The following TYW1B variants were observed in gnomAD, a reference collection of about 807,000 sequenced individuals.
TYW1B encodes S-adenosyl-L-methionine-dependent tRNA 4-demethylwyosine synthase TYW1B.
Under a neutral mutation model 86.9 loss-of-function variants are expected in TYW1B, and 73 were observed. The ratio of observed to expected loss-of-function variants is 0.84; its 90% CI spans 0.70 to 1.02. The LOEUF (loss-of-function observed/expected upper bound fraction) is 1.02. Ranked by LOEUF, TYW1B falls within the 50% of genes least tolerant of loss-of-function variation. The pLI, the probability that TYW1B is intolerant of heterozygous loss-of-function variation, is 0.00. For missense variants in TYW1B, 637 were observed against 827.4 expected (o/e 0.77, Z 2.82); for synonymous variants, 248 against 292.8 (o/e 0.85, Z 1.56).
At chr7:72,779,047 A>G (rs1554471168) in intron 6 of TYW1B, among the ~76,000 whole-genome samples, 2 of 151,854 alleles carry the variant, frequency 1.3e-5, no homozygotes, top group Admixed American at 1.3e-4. Flanking sequence ...GTTACACTTT[A>G]GGGGAGATAC....
At chr7:72,749,701 T>C (rs190256662) in intron 7 of TYW1B, among the ~76,000 whole-genome samples, 34 of 152,070 alleles carry the variant, frequency 2.2e-4, no homozygotes, top group African/African-American at 7.7e-4. Flanking sequence ...CATTGATTTC[T>C]ATTCTTCACT....
chr7:72,776,189 C>T (rs1410631435), intron 7 of TYW1B, among the ~76,000 whole-genome samples: 8 of 152,080 alleles, frequency 5.3e-5, no homozygotes, highest in Non-Finnish European at 1.0e-4. Flanking sequence ...ATAAAAATTA[C>T]ATACAGGTTA....
At chr7:72,768,978 C>G (rs533350144) in intron 7 of TYW1B, 1 of 324,606 alleles carries the variant, frequency 3.1e-6, no homozygotes, top group South Asian at 3.8e-5. Flanking sequence ...TATCTTTCTT[C>G]TCTACCTTAC....
At position 72,731,681 on chromosome 7, in the gene TYW1B, C is replaced by T. The variant is rs1299718260; in HGVS notation, c.1083-2750G>A. 2.6e-5 allele frequency among the ~76,000 whole-genome samples: 4 copies of T among 152,276 alleles called. No individual in the cohort carries two copies. The East Asian group carries it at 7.7e-4, about 29-fold the overall frequency. Reference sequence around the variant, plus strand: ...AAAAGCAGCTGGGTGTGGTGGCTCACACCTGTAATCCCAGCACTTTGGGAG... The same window carrying T: ...AAAAGCAGCTGGGTGTGGTGGCTCATACCTGTAATCCCAGCACTTTGGGAG... On this transcript the variant is annotated intron_variant, in intron 8 of 13. Transcript: ENST00000620995.
chr7:72,722,916 T>C, intron 9 of TYW1B: 1 of 712,250 alleles, frequency 1.4e-6, no homozygotes, highest in Non-Finnish European at 2.6e-6. Flanking sequence ...CCACCTGCAG[T>C]GGAGTCTTCC....
At chr7:72,701,360 C>T (rs2960965) in intron 10 of TYW1B, among the ~76,000 whole-genome samples, 118,362 of 151,794 alleles carry the variant, frequency 0.78, 46,754 homozygotes, top group Middle Eastern at 0.86. Flanking sequence ...AACTCCTGAG[C>T]TCAAGCAACC....
intron 11 of TYW1B, among the ~76,000 whole-genome samples, chr7:72,650,333 T>C (rs1813029752): frequency 6.6e-6 from 1 of 151,882 alleles, no homozygotes. Context: ...GCCCATAAAG[T>C]TTCCTCCCTG....
intron 10 of TYW1B, among the ~76,000 whole-genome samples, chr7:72,696,038 T>C (rs1814311504): frequency 6.7e-6 from 1 of 149,576 alleles, no homozygotes; most frequent in African/African-American, 2.5e-5. Flanking sequence ...AACCTCTGCC[T>C]CCAGGCTCAA....
intron 8 of TYW1B, among the ~76,000 whole-genome samples, chr7:72,733,301 C>G (rs1337172953): frequency 1.3e-5 from 2 of 152,004 alleles, no homozygotes; most frequent in African/African-American, 4.8e-5. Flanking sequence ...GAAAACAAAA[C>G]AGGACAAAAA....
At position 72,632,367 on chromosome 7, in the gene TYW1B, G is replaced by GTATATATAATATATATATA. The variant is rs1195035421; in HGVS notation, c.1507-3371_1507-3370insTATATATATATTATATATA. On this transcript the variant is annotated intron_variant, in intron 11 of 13. Coordinates refer to ENST00000620995, the MANE Select transcript of TYW1B (RefSeq NM_001145440.3). ...TATATTATATATATTATATATATAC[G>GTATATATAATATATATATA]CATATATATTATATATATACGTATA... 4.8e-4 allele frequency among the ~76,000 whole-genome samples: 29 copies of GTATATATAATATATATATA among 60,472 alleles called. 2 individuals carry two copies. In the East Asian group the frequency reaches 0.012, roughly 26 times the overall value. 39.7% of individuals were successfully genotyped at this position (60,472 alleles called of 152,430 possible).
At chr7:72,737,500 T>C (rs1787217360) in intron 8 of TYW1B, among the ~76,000 whole-genome samples, 1 of 152,186 alleles carries the variant, frequency 6.6e-6, no homozygotes, top group South Asian at 2.1e-4. Flanking sequence ...TAGATCCTGT[T>C]ATTTCTTTTG....
chr7:72,627,779 C>G (rs1554439131), intron 12 of TYW1B, among the ~76,000 whole-genome samples: 5 of 152,126 alleles, frequency 3.3e-5, no homozygotes, highest in Non-Finnish European at 7.3e-5. Context: ...AATCAATCTT[C>G]TCTTGATCTA....
chr7:72,808,353 G>A (rs1355109502), intron 4 of TYW1B, among the ~76,000 whole-genome samples: 2 of 151,984 alleles, frequency 1.3e-5, no homozygotes, highest in Non-Finnish European at 2.9e-5. Context: ...AGTAGGCTAA[G>A]GTGGGAGGAT....
At chr7:72,674,765 T>TTC (rs2129569793) in intron 11 of TYW1B, among the ~76,000 whole-genome samples, 1 of 150,538 alleles carries the variant, frequency 6.6e-6, no homozygotes, top group Non-Finnish European at 1.5e-5. Flanking sequence ...CTCTCTTTTT[T>TTC]TTTTTTTTTT....
At chr7:72,604,448 T>C (rs1762600578) in intron 13 of TYW1B, among the ~76,000 whole-genome samples, 1 of 151,858 alleles carries the variant, frequency 6.6e-6, no homozygotes, top group Non-Finnish European at 1.5e-5. Context: ...GGCGACAGAG[T>C]GAGACTCTGT....
chr7:72,685,154 A>G (rs1554449093), intron 11 of TYW1B, among the ~76,000 whole-genome samples: 1 of 152,004 alleles, frequency 6.6e-6, no homozygotes, highest in African/African-American at 2.4e-5. Context: ...GTTATCATAA[A>G]GTACTTGTCC....
At chr7:72,773,749 T>C (rs1216008849) in intron 7 of TYW1B, among the ~76,000 whole-genome samples, 1 of 152,122 alleles carries the variant, frequency 6.6e-6, no homozygotes, top group Non-Finnish European at 1.5e-5. Context: ...ATTACTGAAC[T>C]TGAAGACACA....
chr7:72,599,471 TC>T (rs559575939), intron 13 of TYW1B, among the ~76,000 whole-genome samples: 233 of 152,268 alleles, frequency 1.5e-3, no homozygotes, highest in Middle Eastern at 3.4e-3. Flanking sequence ...CCCATTAAGA[TC>T]TTAATAAGGC....
intron 3 of TYW1B, among the ~76,000 whole-genome samples, chr7:72,812,392 C>T (rs1788637709): frequency 6.6e-6 from 1 of 152,072 alleles, no homozygotes; most frequent in African/African-American, 2.4e-5. Context: ...GATTTTAAAG[C>T]ATTTCCAATT....
Sources: allele counts gnomAD v4.1 joint callset (sites outside exome capture counted in the v4.1 genomes callset), GRCh38; gene constraint gnomAD v4.1.1; transcripts MANE v1.5; gene names NCBI Gene and HGNC (gene_info 2026-07-23, HGNC 2026-07-21).